CENPO: variants seen among roughly 807,000 people sequenced by gnomAD.
The protein encoded by CENPO is centromere protein O.
In CENPO, 30 loss-of-function variants were observed where a neutral mutation model predicts 36.1. The observed-to-expected ratio is 0.83, with a 90% CI of 0.62 to 1.13. The LOEUF is 1.13. Among genes scored for constraint, CENPO ranks in the 50% most tolerant of loss-of-function variants. The probability of loss-of-function intolerance (pLI) is 0.00; values close to 1 mark genes in which losing one functional copy is unlikely to be tolerated. For missense variants in CENPO, 349 were observed against 357.8 expected, an observed-to-expected ratio of 0.98 and a Z score of 0.20; for synonymous variants, 171 against 142.3, an observed-to-expected ratio of 1.20 and a Z score of -1.44.
chr2:24,796,618 G>C (rs931364942), intron 2 of CENPO, among the ~76,000 whole-genome samples: 1 of 152,146 alleles, frequency 6.6e-6, no homozygotes, highest in African/African-American at 2.4e-5. Context: ...TTTGAGACCA[G>C]CCTGGGAAAC....
At position 24,820,229 on chromosome 2, in the gene CENPO, G is replaced by A. The variant is rs971270900; in HGVS notation, c.*911G>A. 22 of 1,212,056 alleles carry A rather than the reference G, an allele frequency of 1.8e-5. No individual in the cohort carries two copies. Among genetic ancestry groups the A allele is most frequent in the South Asian group, 6.8e-5 (4 of 59,236 alleles). The allele number at this position is 1,212,056 out of a possible 1,614,324, so 75.1% of individuals were successfully genotyped here. A position where few individuals can be genotyped will look rare whatever the true frequency, so the allele number is the denominator to read the frequency against. On this transcript the variant is annotated 3_prime_UTR_variant, in exon 8 of 8. Transcript: ENST00000380834. ...CTGATCCATGGGTCCCAAGCAGTAC[G>A]GGACACTCCCCAAACCTCCCAGGGC...
At position 24,820,940 on chromosome 2, in the gene CENPO, GCTC is replaced by G. The variant is rs1667557053; in HGVS notation, c.*1625_*1627del. On this transcript the variant is annotated 3_prime_UTR_variant, in exon 8 of 8. Coordinates refer to ENST00000380834, the MANE Select transcript of CENPO (RefSeq NM_001322101.2). The stretch of plus-strand genomic sequence containing the variant: ...CTCCTCTCCAGACCTGTACCACAAA[GCTC>G]CTAATGTAACACATCATTGTCCTCA... The G allele has an allele frequency of 6.6e-7, 1 of 1,524,646 alleles. No individual in the cohort carries two copies. The highest frequency in any genetic ancestry group is 8.9e-7 in the Non-Finnish European group (1 of 1,125,158). The allele number at this position is 1,524,646 out of a possible 1,614,324, so 94.4% of individuals were successfully genotyped here.
intron 3 of CENPO, among the ~76,000 whole-genome samples, chr2:24,807,663 T>C (rs1262864753): frequency 1.3e-5 from 2 of 152,260 alleles, no homozygotes; most frequent in Non-Finnish European, 2.9e-5. Context: ...ATATGCCTAG[T>C]AGAATTGTTG....
chr2:24,794,285 C>G (rs1295472539), intron 2 of CENPO, among the ~76,000 whole-genome samples: 1 of 152,158 alleles, frequency 6.6e-6, no homozygotes, highest in Non-Finnish European at 1.5e-5. Context: ...ATGCATTACT[C>G]TTGAGGGAGG....
At chr2:24,795,586 C>T (rs1665863147) in intron 2 of CENPO, among the ~76,000 whole-genome samples, 1 of 152,152 alleles carries the variant, frequency 6.6e-6, no homozygotes. Context: ...GTGGAAGTGC[C>T]TAGAGAAGGA....
intron 2 of CENPO, among the ~76,000 whole-genome samples, chr2:24,798,750 G>A (rs950896619): frequency 6.6e-5 from 10 of 151,680 alleles, no homozygotes; most frequent in Admixed American, 2.0e-4. Flanking sequence ...GTGAGCCACC[G>A]TACCCGGCCC....
chr2:24,820,318 GCCT>G lies in CENPO; in HGVS notation c.*1005_*1007del. On this transcript the variant is annotated 3_prime_UTR_variant, in exon 8 of 8. Coordinates refer to ENST00000380834, the MANE Select transcript of CENPO (RefSeq NM_001322101.2). The stretch of plus-strand genomic sequence containing the variant: ...AGAACCCTGGAGTGACTGGCTGGGG[GCCT>G]CCTCTCATCCAGAGACTTCTCTCCT... The G allele has an allele frequency of 7.7e-7, 1 of 1,303,462 alleles. No individual in the cohort carries two copies. The highest frequency in any genetic ancestry group is 9.8e-7 in the Non-Finnish European group (1 of 1,020,540). The allele number at this position is 1,303,462 out of a possible 1,614,324, so 80.7% of individuals were successfully genotyped here. A position where few individuals can be genotyped will look rare whatever the true frequency, so the allele number is the denominator to read the frequency against.
chr2:24,807,550 T>C (rs1175245939), intron 3 of CENPO, among the ~76,000 whole-genome samples: 1 of 152,188 alleles, frequency 6.6e-6, no homozygotes, highest in African/African-American at 2.4e-5. Context: ...GACATTTGGG[T>C]TATTGGGGTT....
intron 3 of CENPO, among the ~76,000 whole-genome samples, chr2:24,812,981 C>T (rs1282204039): frequency 6.7e-6 from 1 of 148,710 alleles, no homozygotes; most frequent in Non-Finnish European, 1.5e-5. Context: ...TGCTGTGGCT[C>T]ACGCCTGTAA....
rs1667320941 is a variant in CENPO at position 24,820,061 on chromosome 2, C to T, written c.*743C>T. 5.0e-6 allele frequency: 8 copies of T among 1,594,104 alleles called. No homozygotes were observed. Among genetic ancestry groups the T allele is most frequent in the Non-Finnish European group, 6.8e-6 (8 of 1,170,590 alleles). On this transcript the variant is annotated 3_prime_UTR_variant, in exon 8 of 8. Transcript: ENST00000380834. Reference sequence around the variant, plus strand: ...TCCCCTTCACAAAGATGGGGCCTCGCCTCACAAAGCGGAAGCCGTACTCTC... The same window carrying T: ...TCCCCTTCACAAAGATGGGGCCTCGTCTCACAAAGCGGAAGCCGTACTCTC...
In CENPO at chr2:24,820,339, TCTCTC is replaced by T. The variant is rs1667409402; in HGVS notation, c.*1024_*1028del. 7.5e-7 allele frequency: 1 copy of T among 1,330,132 alleles called. No homozygotes were observed. The highest frequency in any genetic ancestry group is 3.0e-5 in the East Asian group (1 of 33,632). The allele number at this position is 1,330,132 out of a possible 1,614,324, so 82.4% of individuals were successfully genotyped here. On this transcript the variant is annotated 3_prime_UTR_variant, in exon 8 of 8. Coordinates refer to ENST00000380834, the MANE Select transcript of CENPO (RefSeq NM_001322101.2). ...GGGGGCCTCCTCTCATCCAGAGACTTCTCTCCTAGGATGGCCATGGTCACCTGGGT... is the reference window on the plus strand; with the variant it reads ...GGGGGCCTCCTCTCATCCAGAGACTTCTAGGATGGCCATGGTCACCTGGGT...
chr2:24,819,749 GCA>G lies in CENPO; in HGVS notation c.*438_*439del. Reference sequence around the variant, plus strand: ...GACCCCTATGCTGGGGACACTACAGGCACACACAGGAATAGCAGGGCCACCCT... The same window carrying G: ...GACCCCTATGCTGGGGACACTACAGGCACACAGGAATAGCAGGGCCACCCT... On this transcript the variant is annotated 3_prime_UTR_variant, in exon 8 of 8. Transcript: ENST00000380834. 1 of 637,386 alleles carries G rather than the reference GCA, an allele frequency of 1.6e-6. No homozygotes were observed. Among genetic ancestry groups the G allele is most frequent in the Non-Finnish European group, 2.7e-6 (1 of 367,154 alleles). 39.5% of individuals were successfully genotyped at this position (637,386 alleles called of 1,614,324 possible). A position where few individuals can be genotyped will look rare whatever the true frequency, so the allele number is the denominator to read the frequency against.
chr2:24,812,902 G>GTTT (rs35639594), intron 3 of CENPO, among the ~76,000 whole-genome samples: 37 of 105,602 alleles, frequency 3.5e-4, no homozygotes, highest in Non-Finnish European at 4.3e-4. Flanking sequence ...TATGCCTGTA[G>GTTT]TTTTTTTTTT....
Position 24,817,664 on chromosome 2 carries a change from T to C in CENPO, c.767-6T>C. ...TGAATGAGATTGATGGAATCTTTCT[T>C]TTTAGGAGTGGAAGTATTATCCACT... On this transcript the variant is annotated splice_polypyrimidine_tract_variant and splice_region_variant and intron_variant, in intron 6 of 7. Coordinates refer to ENST00000380834, the MANE Select transcript of CENPO (RefSeq NM_001322101.2). The C allele has an allele frequency of 6.2e-7, 1 of 1,614,122 alleles. No homozygotes were observed. The highest frequency in any genetic ancestry group is 8.5e-7 in the Non-Finnish European group (1 of 1,180,006).
At position 24,822,324 on chromosome 2, in the gene CENPO, TTC is replaced by T; in HGVS notation, c.*3008_*3009del. On this transcript the variant is annotated 3_prime_UTR_variant, in exon 8 of 8. Transcript: ENST00000380834. ...TGAACAGCAGGGGGTTGTGTGTCTG[TTC>T]TGTTTCTCTGCTTGCCGAACTTTCT... is the stretch of plus-strand genomic sequence containing the variant. The T allele has an allele frequency of 2.5e-6, 2 of 799,010 alleles. No homozygotes were observed. Among genetic ancestry groups the T allele is most frequent in the Non-Finnish European group, 3.9e-6 (2 of 516,460 alleles). The allele number at this position is 799,010 out of a possible 1,614,324, so 49.5% of individuals were successfully genotyped here. A position where few individuals can be genotyped will look rare whatever the true frequency, so the allele number is the denominator to read the frequency against.
Position 24,807,232 on chromosome 2 carries a change from A to G in CENPO, c.217-7144A>G, listed in dbSNP as rs1572733327. 3.9e-5 allele frequency among the ~76,000 whole-genome samples: 6 copies of G among 152,090 alleles called. No homozygotes were observed. In the East Asian group the frequency reaches 1.2e-3, roughly 29 times the overall value. ...CACTATGACAGAGATTAAAGTATAG[A>G]GCATTACCAACACCCAGAAGCCTCC... is the stretch of plus-strand genomic sequence containing the variant. On this transcript the variant is annotated intron_variant, in intron 3 of 7. Transcript: ENST00000380834.
At position 24,821,119 on chromosome 2, in the gene CENPO, C is replaced by G. The variant is rs1453984795; in HGVS notation, c.*1801C>G. 1 of 473,852 alleles carries G rather than the reference C, an allele frequency of 2.1e-6. No homozygotes were observed. The highest frequency in any genetic ancestry group is 3.9e-5 in the East Asian group (1 of 25,592). The allele number at this position is 473,852 out of a possible 1,614,324, so 29.4% of individuals were successfully genotyped here. A position where few individuals can be genotyped will look rare whatever the true frequency, so the allele number is the denominator to read the frequency against. ...CTAACACAGCTGGTATTTCAAGTCT[C>G]CTGGGACCTCACTCAGGAATGATAC... On this transcript the variant is annotated 3_prime_UTR_variant, in exon 8 of 8. Transcript: ENST00000380834.
rs138575363 is a variant in CENPO, at chr2:24,813,405, CT to C, written c.217-964del. Among the ~76,000 whole-genome samples the C allele has an allele frequency of 1.0e-3, 156 of 152,196 alleles. 3 individuals are homozygous for C. In the East Asian group the frequency reaches 0.023, roughly 22 times the overall value. ...GGTTTCCCTTACTCCTAGGGCTTAG[CT>C]TTTTTTAGGACCTTCAGTTGAAAGT... On this transcript the variant is annotated intron_variant, in intron 3 of 7. Coordinates refer to ENST00000380834, the MANE Select transcript of CENPO (RefSeq NM_001322101.2).
chr2:24,815,035 CGAGACCAGCCTGGGCAACA>C (rs1666875583), intron 4 of CENPO, among the ~76,000 whole-genome samples: 1 of 151,848 alleles, frequency 6.6e-6, no homozygotes, highest in South Asian at 2.1e-4. Flanking sequence ...TCCAGGAGTT[CGAGACCAGCCTGGGCAACA>C]TAGCAAGACC....
Sources: gnomAD v4.1 joint callset for allele counts (sites outside exome capture counted in the v4.1 genomes callset) on GRCh38, gnomAD v4.1.1 for gene constraint, MANE v1.5 for transcripts, NCBI Gene and HGNC (gene_info 2026-07-23, HGNC 2026-07-21) for gene names.